RFX7: variants seen among roughly 807,000 people sequenced by gnomAD.
RFX7 encodes regulatory factor X7.
Under a neutral mutation model 111.8 loss-of-function variants are expected in RFX7, and 26 were observed. The ratio of observed to expected loss-of-function variants is 0.23; its 90% CI spans 0.17 to 0.32. The LOEUF is 0.32. Ranked by LOEUF, RFX7 falls within the 10% of genes least tolerant of loss-of-function variation. The pLI is 1.00. For missense variants in RFX7, 1,573 were observed against 1,772.9 expected, an observed-to-expected ratio of 0.89 and a Z score of 2.02; for synonymous variants, 624 against 624.4, an observed-to-expected ratio of 1.00 and a Z score of 0.01.
At chr15:56,166,515 T>C (rs929232847) in intron 3 of RFX7, among the ~76,000 whole-genome samples, 6 of 152,142 alleles carry the variant, frequency 3.9e-5, no homozygotes, top group Non-Finnish European at 7.4e-5. Context: ...ATGAATAATA[T>C]GTAAAAAGTA....
At position 56,093,116 on chromosome 15, in the gene RFX7, A is replaced by T. The variant is rs1168778179; in HGVS notation, c.*229T>A. 1.8e-5 allele frequency: 8 copies of T among 456,896 alleles called. No homozygotes were observed. Among genetic ancestry groups the T allele is most frequent in the Admixed American group, 1.1e-4 (3 of 27,140 alleles). The allele number at this position is 456,896 out of a possible 1,614,324, so 28.3% of individuals were successfully genotyped here. On this transcript the variant is annotated 3_prime_UTR_variant, in exon 10 of 10. Transcript: ENST00000559447. ...CAATCAATGTGAATAAATGGGGCAC[A>T]TTATAAAATTTAAAACCTAATACTT...
chr15:56,195,182 C>A (rs1302099165), intron 2 of RFX7, among the ~76,000 whole-genome samples: 1 of 151,896 alleles, frequency 6.6e-6, no homozygotes, highest in Non-Finnish European at 1.5e-5. Flanking sequence ...TGTATGACTC[C>A]CTGTATACAA....
In RFX7 at chr15:56,093,769, C is replaced by A. The variant is rs1166496241; in HGVS notation, c.3959G>T (p.Ser1320Ile). ...AAAATTGATCTGACCGGTGCTATTA[C>A]TTTTGGTGAGGTAAGATGGTGTTTG... ...EFQTPSYLTK[S>I]NSTGQINFSP... is the part of the protein sequence containing the mutation. The change falls in exon 10 of 10, where the codon AGT becomes ATT. Residue 1320 changes from serine to isoleucine, a missense_variant. By Grantham distance (142) the Ser-to-Ile change is moderately radical. Transcript: ENST00000559447. The A allele has an allele frequency of 1.2e-6, 2 of 1,613,838 alleles. No homozygotes were observed. Among genetic ancestry groups the A allele is most frequent in the Non-Finnish European group, 1.7e-6 (2 of 1,179,824 alleles).
chr15:56,181,106 C>G (rs74017480), intron 2 of RFX7, among the ~76,000 whole-genome samples: 2,305 of 152,214 alleles, frequency 0.015, 75 homozygotes, highest in African/African-American at 0.053. Context: ...AAGTCTTTAC[C>G]ATGGCCATAA....
chr15:56,105,197 G>A (rs532470747), intron 5 of RFX7, among the ~76,000 whole-genome samples: 36 of 152,232 alleles, frequency 2.4e-4, no homozygotes, highest in African/African-American at 7.7e-4. Flanking sequence ...TAAATTTTAT[G>A]ATTTTTGAAA....
At chr15:56,231,431 G>A (rs1480564069) in intron 2 of RFX7, among the ~76,000 whole-genome samples, 1 of 152,124 alleles carries the variant, frequency 6.6e-6, no homozygotes, top group African/African-American at 2.4e-5. Context: ...GAAGATGAGA[G>A]TCAAGTGAAA....
intron 2 of RFX7, among the ~76,000 whole-genome samples, chr15:56,239,075 C>G (rs1421044156): frequency 6.6e-6 from 1 of 152,116 alleles, no homozygotes; most frequent in Non-Finnish European, 1.5e-5. Flanking sequence ...CTCAGGCAAT[C>G]TGCCCACCTT....
intron 2 of RFX7, among the ~76,000 whole-genome samples, chr15:56,236,615 C>T (rs1202265346): frequency 4.6e-5 from 7 of 152,150 alleles, no homozygotes; most frequent in Admixed American, 4.6e-4. Context: ...AATATCTATC[C>T]TAGATGAAGA....
intron 2 of RFX7, among the ~76,000 whole-genome samples, chr15:56,181,671 T>C (rs1204371667): frequency 6.6e-6 from 1 of 152,222 alleles, no homozygotes; most frequent in Non-Finnish European, 1.5e-5. Flanking sequence ...GAAAATGAAA[T>C]GTTTATTTTA....
At chr15:56,196,937 A>G (rs1879346) in intron 2 of RFX7, among the ~76,000 whole-genome samples, 2,405 of 152,206 alleles carry the variant, frequency 0.016, 92 homozygotes, top group East Asian at 0.14. Flanking sequence ...CACACACACT[A>G]CAGTATGTTG....
intron 3 of RFX7, among the ~76,000 whole-genome samples, chr15:56,166,137 A>G (rs2042779704): frequency 6.6e-6 from 1 of 152,172 alleles, no homozygotes; most frequent in Non-Finnish European, 1.5e-5. Flanking sequence ...CCTGGGCTCA[A>G]GGGATTCTCC....
At chr15:56,179,757 T>A (rs2042945478) in intron 2 of RFX7, among the ~76,000 whole-genome samples, 1 of 132,212 alleles carries the variant, frequency 7.6e-6, no homozygotes, top group Non-Finnish European at 1.6e-5. Context: ...CCTCTCTCTG[T>A]CTCAACACAC....
intron 3 of RFX7, among the ~76,000 whole-genome samples, chr15:56,152,430 G>A (rs145918799): frequency 0.036 from 5,464 of 152,242 alleles, 359 homozygotes; most frequent in African/African-American, 0.12. Context: ...CATGGAAACT[G>A]AACAACCTGC....
chr15:56,144,072 TATG>T (rs2042436794), intron 4 of RFX7, among the ~76,000 whole-genome samples: 1 of 152,220 alleles, frequency 6.6e-6, no homozygotes. Context: ...CCTTATTCCT[TATG>T]ATACTTATCT....
At chr15:56,235,916 T>G (rs2043618151) in intron 2 of RFX7, among the ~76,000 whole-genome samples, 1 of 152,210 alleles carries the variant, frequency 6.6e-6, no homozygotes, top group Non-Finnish European at 1.5e-5. Context: ...CATGGTAGTG[T>G]GTACCATATG....
intron 5 of RFX7, among the ~76,000 whole-genome samples, chr15:56,141,675 A>ATATATATATATATATATATATATG (rs1567024632): frequency 3.6e-5 from 5 of 137,366 alleles, no homozygotes; most frequent in African/African-American, 1.5e-4. Flanking sequence ...ATATATATAT[A>ATATATATATATATATATATATATG]TGCATATATG....
At position 56,243,804 on chromosome 15, in the gene RFX7, CGCT is replaced by C. The variant is rs2043758207; in HGVS notation, c.-365_-363del. Among the ~76,000 whole-genome samples the C allele has an allele frequency of 6.8e-6, 1 of 147,520 alleles. No individual in the cohort carries two copies. Among genetic ancestry groups the C allele is most frequent in the South Asian group, 2.1e-4 (1 of 4,802 alleles). ...CTCCCCACGCCGCCGCCGCCGCCGC[CGCT>C]CGCTCCCGGCCCCGCCGCCGCCGCG... On this transcript the variant is annotated 5_prime_UTR_variant, in exon 1 of 10. Coordinates refer to ENST00000559447, the MANE Select transcript of RFX7 (RefSeq NM_022841.7).
intron 2 of RFX7, among the ~76,000 whole-genome samples, chr15:56,214,258 A>C (rs914734066): frequency 1.1e-4 from 17 of 152,344 alleles, no homozygotes; most frequent in African/African-American, 3.8e-4. Flanking sequence ...AAAGCTTAAA[A>C]TCAGACTGTC....
At chr15:56,122,352 C>T (rs2042089562) in intron 5 of RFX7, among the ~76,000 whole-genome samples, 1 of 152,154 alleles carries the variant, frequency 6.6e-6, no homozygotes, top group South Asian at 2.1e-4. Flanking sequence ...GATTCTTGTT[C>T]TCTTCCCTTA....
Sources: gnomAD v4.1 joint callset for allele counts (sites outside exome capture counted in the v4.1 genomes callset) on GRCh38, gnomAD v4.1.1 for gene constraint, MANE v1.5 for transcripts, NCBI Gene and HGNC (gene_info 2026-07-23, HGNC 2026-07-21) for gene names.